Variants in NPAS3 observed in about 807,000 individuals in gnomAD.
NPAS3 encodes the protein neuronal PAS domain-containing protein 3.
Under a neutral mutation model 73.1 loss-of-function variants are expected in NPAS3, and 14 were observed. The observed-to-expected ratio is 0.19, with a 90% CI of 0.13 to 0.30. NPAS3 has a LOEUF of 0.30. Ranked by LOEUF, NPAS3 falls within the 10% of genes least tolerant of loss-of-function variation. The pLI is 1.00. For missense variants in NPAS3, 1,096 were observed against 1,250.0 expected (o/e 0.88, Z 1.86); for synonymous variants, 620 against 541.5 (o/e 1.14, Z -2.01).
At position 33,217,078 on chromosome 14, in the gene NPAS3, C is replaced by T. The variant is rs28624727; in HGVS notation, c.385+1652C>T. On this transcript the variant is annotated intron_variant, in intron 3 of 11. Transcript: ENST00000356141. ...GGAAACTTACAATCATGGTAGAAGG[C>T]GAGGGGGAGGCAAAGAACGTCTTAC... is the stretch of plus-strand genomic sequence containing the variant. Among the ~76,000 whole-genome samples, 1,028 of 151,904 alleles carry T rather than the reference C, an allele frequency of 6.8e-3. 13 individuals are homozygous for T. The highest frequency in any genetic ancestry group is 0.024 in the African/African-American group (990 of 41,398).
intron 1 of NPAS3, among the ~76,000 whole-genome samples, chr14:32,982,791 C>G (rs1264671997): frequency 6.6e-6 from 1 of 152,136 alleles, no homozygotes; most frequent in Non-Finnish European, 1.5e-5. Flanking sequence ...AAGGTAAAAC[C>G]CGTATCACTC....
intron 3 of NPAS3, among the ~76,000 whole-genome samples, chr14:33,334,051 A>G (rs1471103548): frequency 1.3e-5 from 2 of 152,188 alleles, no homozygotes; most frequent in Non-Finnish European, 2.9e-5. Flanking sequence ...TAAAGTGTTG[A>G]AAAGTTGACT....
chr14:33,300,208 A>T (rs1009644187), intron 3 of NPAS3, among the ~76,000 whole-genome samples: 2 of 152,206 alleles, frequency 1.3e-5, no homozygotes, highest in African/African-American at 4.8e-5. Flanking sequence ...GTAGCTATTT[A>T]TGCAAGTCTT....
chr14:32,996,242 G>A (rs139061618), intron 1 of NPAS3, among the ~76,000 whole-genome samples: 2 of 152,268 alleles, frequency 1.3e-5, no homozygotes, highest in East Asian at 3.9e-4. Flanking sequence ...CATTCAATAG[G>A]TGACTTGGGT....
intron 3 of NPAS3, among the ~76,000 whole-genome samples, chr14:33,359,616 C>T (rs1450023735): frequency 6.6e-6 from 1 of 152,100 alleles, no homozygotes; most frequent in Non-Finnish European, 1.5e-5. Context: ...CATCCTTTCC[C>T]CTCTTGAGAG....
At chr14:33,291,539 G>A (rs1380156936) in intron 3 of NPAS3, among the ~76,000 whole-genome samples, 3 of 152,210 alleles carry the variant, frequency 2.0e-5, no homozygotes, top group African/African-American at 4.8e-5. Context: ...AAATGAATTT[G>A]TAATAGAAAG....
chr14:33,022,253 T>C (rs979612879), intron 1 of NPAS3, among the ~76,000 whole-genome samples: 2 of 152,124 alleles, frequency 1.3e-5, no homozygotes, highest in Non-Finnish European at 2.9e-5. Flanking sequence ...ACTTGAAAAA[T>C]ACATTGGAGC....
At chr14:33,799,943 G>A (rs369754814) in exon 12 of NPAS3, 46 of 1,613,986 alleles carry the variant, frequency 2.9e-5, no homozygotes, top group South Asian at 6.6e-5. Flanking sequence ...GGGCGAGGAC[G>A]GCTTCGGTGC....
chr14:33,723,223 G>C (rs1170697799), intron 6 of NPAS3, among the ~76,000 whole-genome samples: 1 of 151,918 alleles, frequency 6.6e-6, no homozygotes, highest in African/African-American at 2.4e-5. Context: ...ATGTATCTTG[G>C]GCCAATCTTC....
chr14:33,342,109 T>G (rs2044514261), intron 3 of NPAS3, among the ~76,000 whole-genome samples: 1 of 152,254 alleles, frequency 6.6e-6, no homozygotes, highest in Admixed American at 6.5e-5. Flanking sequence ...GGGTCTAACA[T>G]ATCGCAAATA....
rs377313608 is a variant in NPAS3, at chr14:33,764,397, A to G, written c.853-9940A>G. Among the ~76,000 whole-genome samples the G allele has an allele frequency of 4.6e-5, 7 of 152,372 alleles. No homozygotes were observed. The East Asian group carries it at 7.7e-4, about 17-fold the overall frequency. On this transcript the variant is annotated intron_variant, in intron 7 of 11. Coordinates refer to ENST00000356141, the Ensembl canonical transcript of NPAS3. ...TGGGAAACTCAGGACATTTAAGTAA[A>G]ACACACATTCAACAAAGGCGTTAAG... is the stretch of plus-strand genomic sequence containing the variant.
At chr14:33,505,164 A>C (rs2052696974) in intron 4 of NPAS3, among the ~76,000 whole-genome samples, 1 of 152,054 alleles carries the variant, frequency 6.6e-6, no homozygotes. Context: ...TGTTAATAAC[A>C]AGAATACATA....
At chr14:33,593,610 T>C (rs989123354) in intron 5 of NPAS3, among the ~76,000 whole-genome samples, 2 of 152,200 alleles carry the variant, frequency 1.3e-5, no homozygotes, top group African/African-American at 4.8e-5. Context: ...AGTCCTCACC[T>C]TTTCTCCAGC....
intron 2 of NPAS3, among the ~76,000 whole-genome samples, chr14:33,181,735 A>C (rs1340459538): frequency 6.6e-6 from 1 of 152,178 alleles, no homozygotes; most frequent in Admixed American, 6.5e-5. Context: ...ACAAAAGTGG[A>C]ATGTCTCTCA....
At chr14:33,344,257 TA>T (rs1566815750) in intron 3 of NPAS3, among the ~76,000 whole-genome samples, 1 of 152,182 alleles carries the variant, frequency 6.6e-6, no homozygotes, top group Non-Finnish European at 1.5e-5. Flanking sequence ...GATGTTGAAT[TA>T]AAAAATGACA....
intron 3 of NPAS3, among the ~76,000 whole-genome samples, chr14:33,233,853 C>T (rs1163085221): frequency 6.6e-6 from 1 of 152,070 alleles, no homozygotes; most frequent in African/African-American, 2.4e-5. Flanking sequence ...TAACTCTATG[C>T]TATCAAATAT....
intron 5 of NPAS3, among the ~76,000 whole-genome samples, chr14:33,639,076 C>T (rs1024774721): frequency 7.2e-5 from 11 of 152,156 alleles, no homozygotes; most frequent in African/African-American, 1.2e-4. Flanking sequence ...AAAGCCTTGG[C>T]GTAGCATGAT....
rs8008036 is a variant in NPAS3 at position 33,619,179 on chromosome 14, C to G, written c.559-57032C>G. 2.0e-5 allele frequency among the ~76,000 whole-genome samples: 3 copies of G among 152,108 alleles called. No individual in the cohort carries two copies. In the South Asian group the frequency reaches 6.2e-4, roughly 32 times the overall value. ...TGAATCAGAAAAGTCAGCTTCATAT[C>G]TCATACAAAATTTCTAACATTTCTG... On this transcript the variant is annotated intron_variant, in intron 5 of 11. Transcript: ENST00000356141.
chr14:33,009,235 G>T (rs1659544769), intron 1 of NPAS3, among the ~76,000 whole-genome samples: 1 of 152,066 alleles, frequency 6.6e-6, no homozygotes, highest in African/African-American at 2.4e-5. Context: ...ACCTCACTGG[G>T]GAATAAGAAG....
Sources: gnomAD v4.1 joint callset for allele counts (sites outside exome capture counted in the v4.1 genomes callset) on GRCh38, gnomAD v4.1.1 for gene constraint, MANE v1.5 for transcripts, NCBI Gene and HGNC (gene_info 2026-07-23, HGNC 2026-07-21) for gene names.